The following INPP4B variants were observed in gnomAD, a reference collection of about 807,000 sequenced individuals.
The protein encoded by INPP4B is inositol polyphosphate 4-phosphatase type II.
A neutral mutation model predicts 122.5 loss-of-function variants in INPP4B; 55 were observed. That is an observed-to-expected ratio of 0.45 (90% CI 0.36 to 0.56). The LOEUF (loss-of-function observed/expected upper bound fraction) is 0.56. INPP4B is among the 20% of genes least tolerant of loss of function. The probability of loss-of-function intolerance (pLI) is 0.00; values close to 1 mark genes in which losing one functional copy is unlikely to be tolerated. For missense variants in INPP4B, 1,000 were observed against 1,097.7 expected (o/e 0.91, Z 1.26); for synonymous variants, 403 against 388.7 (o/e 1.04, Z -0.43).
At chr4:142,108,929 G>A (rs1301463254) in intron 22 of INPP4B, among the ~76,000 whole-genome samples, 8 of 152,088 alleles carry the variant, frequency 5.3e-5, no homozygotes, top group Non-Finnish European at 1.0e-4. Context: ...TTCTAGGTGT[G>A]AATAGAAAAT....
At chr4:142,157,967 C>T (rs921712547) in intron 17 of INPP4B, among the ~76,000 whole-genome samples, 6 of 152,010 alleles carry the variant, frequency 3.9e-5, no homozygotes, top group South Asian at 2.1e-4. Context: ...CCTGCAGTCT[C>T]AGGAGAAGTG....
rs1796959410 is a variant in INPP4B at position 142,122,478 on chromosome 4, A to G, written c.2018-233T>C. Among the ~76,000 whole-genome samples the G allele has an allele frequency of 3.9e-5, 6 of 151,900 alleles. No individual in the cohort carries two copies. In the South Asian group the frequency reaches 1.2e-3, roughly 31 times the overall value. On this transcript the variant is annotated intron_variant, in intron 20 of 25. Transcript: ENST00000262992. ...CCCTTTGAGGGAAGGAAGAACGTGGACATTTGCTGTGAGGCTGGAGAGAGT... is the reference window on the plus strand; with the variant it reads ...CCCTTTGAGGGAAGGAAGAACGTGGGCATTTGCTGTGAGGCTGGAGAGAGT...
intron 2 of INPP4B, chr4:142,583,717 T>C (rs1434913918): frequency 6.6e-6 from 1 of 152,138 alleles, no homozygotes; most frequent in Non-Finnish European, 1.5e-5. Context: ...TTAACAAGTA[T>C]ATTGAACTAC....
At chr4:142,488,830 A>C (rs2149772107) in intron 2 of INPP4B, among the ~76,000 whole-genome samples, 2 of 152,018 alleles carry the variant, frequency 1.3e-5, no homozygotes, top group East Asian at 3.9e-4. Context: ...CACAACTTCC[A>C]GTCTTTTATT....
At chr4:142,255,657 T>A (rs1212201100) in intron 11 of INPP4B, among the ~76,000 whole-genome samples, 1 of 152,060 alleles carries the variant, frequency 6.6e-6, no homozygotes. Flanking sequence ...GAGCTAACTA[T>A]CCTAAATATA....
chr4:142,304,201 T>C (rs957941200), intron 9 of INPP4B, among the ~76,000 whole-genome samples: 2 of 152,146 alleles, frequency 1.3e-5, no homozygotes, highest in African/African-American at 2.4e-5. Context: ...GCTAGAATGA[T>C]GATATTTTCT....
chr4:142,289,920 G>A (rs1170772799), intron 9 of INPP4B, among the ~76,000 whole-genome samples: 2 of 152,058 alleles, frequency 1.3e-5, no homozygotes, highest in Non-Finnish European at 2.9e-5. Context: ...TCTTCAAAAT[G>A]TATCCAGAAT....
intron 17 of INPP4B, among the ~76,000 whole-genome samples, chr4:142,149,086 G>A (rs1042551853): frequency 1.3e-5 from 2 of 152,278 alleles, no homozygotes; most frequent in East Asian, 1.9e-4. Context: ...CTCTTTTATG[G>A]CCTTTACTAA....
At chr4:142,115,392 T>C (rs952558181) in intron 21 of INPP4B, among the ~76,000 whole-genome samples, 3 of 152,102 alleles carry the variant, frequency 2.0e-5, no homozygotes, top group Non-Finnish European at 4.4e-5. Flanking sequence ...AAGGAAAACA[T>C]GTTAAGGGCA....
intron 7 of INPP4B, among the ~76,000 whole-genome samples, chr4:142,337,493 T>G (rs1777059470): frequency 6.6e-6 from 1 of 151,650 alleles, no homozygotes; most frequent in African/African-American, 2.4e-5. Context: ...CAACCATTGA[T>G]ATGTAATTAT....
intron 1 of INPP4B, among the ~76,000 whole-genome samples, chr4:142,772,081 T>C (rs191719921): frequency 6.6e-6 from 1 of 152,268 alleles, no homozygotes; most frequent in Admixed American, 6.5e-5. Flanking sequence ...AGGGATTAAG[T>C]AGATACTTGG....
chr4:142,287,329 T>G (rs1400928802), intron 9 of INPP4B: 3 of 152,224 alleles, frequency 2.0e-5, no homozygotes, highest in African/African-American at 7.2e-5. Flanking sequence ...TAAGTGGTAG[T>G]TCTGACGATA....
chr4:142,428,900 C>G (rs1160789439), intron 5 of INPP4B, among the ~76,000 whole-genome samples: 1 of 151,956 alleles, frequency 6.6e-6, no homozygotes, highest in Non-Finnish European at 1.5e-5. Context: ...AATGCAGTCA[C>G]TACGTTAGAC....
At chr4:142,064,663 AAT>A (rs1296400515) in intron 25 of INPP4B, among the ~76,000 whole-genome samples, 12 of 152,136 alleles carry the variant, frequency 7.9e-5, no homozygotes, top group Non-Finnish European at 1.2e-4. Flanking sequence ...TGACAGCTCT[AAT>A]ATGTCTTTTT....
At chr4:142,831,283 C>T (rs73850575) in intron 1 of INPP4B, among the ~76,000 whole-genome samples, 3,219 of 152,222 alleles carry the variant, frequency 0.021, 107 homozygotes, top group African/African-American at 0.073. Flanking sequence ...TCACAGTTGC[C>T]TGACAGTTCT....
chr4:142,261,056 A>C (rs1156714448), intron 10 of INPP4B, among the ~76,000 whole-genome samples: 1 of 152,230 alleles, frequency 6.6e-6, no homozygotes, highest in Non-Finnish European at 1.5e-5. Context: ...CTTGCTCAAA[A>C]AGTATGAGGA....
At chr4:142,154,085 C>G (rs549019259) in intron 17 of INPP4B, among the ~76,000 whole-genome samples, 4 of 152,070 alleles carry the variant, frequency 2.6e-5, no homozygotes, top group African/African-American at 9.7e-5. Context: ...ATATAGGGAA[C>G]AACTGGCCCC....
At chr4:142,206,645 T>TA (rs543160446) in intron 14 of INPP4B, among the ~76,000 whole-genome samples, 3 of 152,084 alleles carry the variant, frequency 2.0e-5, no homozygotes, top group Non-Finnish European at 4.4e-5. Flanking sequence ...GATTGACATA[T>TA]AAAAAGCTAT....
At chr4:142,751,311 T>C (rs1769678468) in intron 1 of INPP4B, among the ~76,000 whole-genome samples, 1 of 146,794 alleles carries the variant, frequency 6.8e-6, no homozygotes, top group South Asian at 2.1e-4. Flanking sequence ...AAAACAAGCC[T>C]GATGACGACA....
Sources: gnomAD v4.1 joint callset for allele counts (sites outside exome capture counted in the v4.1 genomes callset) on GRCh38, gnomAD v4.1.1 for gene constraint, MANE v1.5 for transcripts, NCBI Gene and HGNC (gene_info 2026-07-23, HGNC 2026-07-21) for gene names.